SAMD8: variants seen among roughly 807,000 people sequenced by gnomAD.
SAMD8 encodes sphingomyelin synthase-related protein 1.
Under a neutral mutation model 42.0 loss-of-function variants are expected in SAMD8, and 20 were observed. That is an observed-to-expected ratio of 0.48 (90% confidence interval 0.34 to 0.69). The LOEUF is 0.69. SAMD8 is among the 30% of genes least tolerant of loss of function. The probability of loss-of-function intolerance (pLI) is 0.01; values close to 1 mark genes in which losing one functional copy is unlikely to be tolerated. For missense variants in SAMD8, 328 were observed against 511.6 expected (o/e 0.64, Z 3.46); for synonymous variants, 162 against 173.0 (o/e 0.94, Z 0.50).
At chr10:75,174,956 A>G (rs1255311464) in intron 4 of SAMD8, among the ~76,000 whole-genome samples, 1 of 152,110 alleles carries the variant, frequency 6.6e-6, no homozygotes, top group Non-Finnish European at 1.5e-5. Context: ...CTGGTATGAT[A>G]ATTTTACGAA....
Position 75,176,317 on chromosome 10 carries a change from AC to A in SAMD8, c.944-69del, listed in dbSNP as rs1840990301. ...CTGTGAAGAATGGCAAAACAGCCTG[AC>A]CTGAGAAACGTGACTGAGAAGCATT... On this transcript the variant is annotated intron_variant, in intron 5 of 5. Transcript: ENST00000542569. This position sits in a 1 kb window ranked among gnomAD's most constrained non-coding sequence, Gnocchi z 4.3. 6.3e-7 allele frequency: 1 copy of A among 1,599,886 alleles called. No individual in the cohort carries two copies. The highest frequency in any genetic ancestry group is 8.5e-7 in the Non-Finnish European group (1 of 1,172,542).
chr10:75,166,791 C>T (rs891788024), intron 3 of SAMD8, among the ~76,000 whole-genome samples: 3 of 152,202 alleles, frequency 2.0e-5, no homozygotes, highest in Non-Finnish European at 4.4e-5. Flanking sequence ...TGGAGTTTAC[C>T]TTACAGGAAA....
At chr10:75,120,335 G>C (rs779061936) in intron 1 of SAMD8, among the ~76,000 whole-genome samples, 1 of 151,648 alleles carries the variant, frequency 6.6e-6, no homozygotes, top group African/African-American at 2.4e-5. Context: ...GCAGTGGCAC[G>C]ATCTCGGCTC....
Position 75,180,119 on chromosome 10 carries a change from T to C in SAMD8, c.*3427T>C, listed in dbSNP as rs1369821855. 3 of 151,042 alleles carry C rather than the reference T, an allele frequency of 2.0e-5. No individual in the cohort carries two copies. The East Asian group carries it at 5.8e-4, about 29-fold the overall frequency. 9.4% of individuals were successfully genotyped at this position (151,042 alleles called of 1,614,324 possible). On this transcript the variant is annotated 3_prime_UTR_variant, in exon 6 of 6. Coordinates refer to ENST00000542569, the MANE Select transcript of SAMD8 (RefSeq NM_001174156.2). ...TTTGAAGGAGGCAGGTTTGCTGTTA[T>C]CACAAAATAATTTGGGGGAAACCTT...
At chr10:75,140,898 TGTTC>T (rs1440561640) in intron 1 of SAMD8, among the ~76,000 whole-genome samples, 57 of 152,298 alleles carry the variant, frequency 3.7e-4, no homozygotes, top group African/African-American at 1.3e-3. Flanking sequence ...CATTTTTAGG[TGTTC>T]GTCTTAGCAG....
At position 75,178,121 on chromosome 10, in the gene SAMD8, A is replaced by C. The variant is rs1222779993; in HGVS notation, c.*1429A>C. 6.6e-6 allele frequency: 1 copy of C among 152,218 alleles called. No individual in the cohort carries two copies. Among genetic ancestry groups the C allele is most frequent in the East Asian group, 1.9e-4 (1 of 5,200 alleles). The allele number at this position is 152,218 out of a possible 1,614,324, so 9.4% of individuals were successfully genotyped here. ...TCTGGGTGAAATATTTTATTTTTGCACTTTGAGTCATATTCCCACCCCTGT... is the reference window on the plus strand; with the variant it reads ...TCTGGGTGAAATATTTTATTTTTGCCCTTTGAGTCATATTCCCACCCCTGT... On this transcript the variant is annotated 3_prime_UTR_variant, in exon 6 of 6. Transcript: ENST00000542569.
At chr10:75,102,242 C>T (rs1367520486) in intron 1 of SAMD8, among the ~76,000 whole-genome samples, 3 of 152,030 alleles carry the variant, frequency 2.0e-5, no homozygotes, top group Non-Finnish European at 2.9e-5. Context: ...TTTGGGAAAC[C>T]GAGGAGGGTG....
chr10:75,117,039 C>T (rs1404219507), intron 1 of SAMD8, among the ~76,000 whole-genome samples: 13 of 150,590 alleles, frequency 8.6e-5, no homozygotes, highest in African/African-American at 2.9e-4. Context: ...TTGAACTCCT[C>T]GGCTCAAGGC....
chr10:75,158,950 C>T (rs969018632), intron 2 of SAMD8, among the ~76,000 whole-genome samples: 1 of 152,012 alleles, frequency 6.6e-6, no homozygotes, highest in Non-Finnish European at 1.5e-5. Context: ...TTTGTTTATC[C>T]ATTTATCAGT....
At chr10:75,099,984 C>T (rs556287924) in intron 1 of SAMD8, among the ~76,000 whole-genome samples, 1 of 152,106 alleles carries the variant, frequency 6.6e-6, no homozygotes, top group Non-Finnish European at 1.5e-5. Context: ...CCCCAGGACC[C>T]AGAGGAGTCC....
rs1226846579 is a variant in SAMD8, at chr10:75,176,505, A to G, written c.1061A>G (p.Tyr354Cys). 2.6e-6 allele frequency: 4 copies of G among 1,550,658 alleles called. No individual in the cohort carries two copies. Among genetic ancestry groups the G allele is most frequent in the South Asian group, 1.2e-5 (1 of 84,070 alleles). Residue 354 changes from tyrosine (Y) to cysteine (C), a missense_variant, in exon 6 of 6, where the codon TAT (tyrosine) becomes TGT (cysteine). This residue lies in a region of SAMD8 where 178 missense variants were observed against 325.6 expected (regional missense o/e 0.55). Coordinates refer to ENST00000542569, the MANE Select transcript of SAMD8 (RefSeq NM_001174156.2). This position sits in a 1 kb window ranked among gnomAD's most constrained non-coding sequence, Gnocchi z 4.3. Reference protein sequence around the residue: ...HYSIDVFIAFYITTRLFLYYH... With the variant: ...HYSIDVFIAFCITTRLFLYYH... ...TCTATTGATGTGTTTATTGCTTTTT[A>G]TATAACAACAAGACTCTTTTTGTAC...
intron 1 of SAMD8, among the ~76,000 whole-genome samples, chr10:75,117,158 C>T (rs1267227425): frequency 3.3e-5 from 5 of 151,896 alleles, no homozygotes; most frequent in African/African-American, 1.2e-4. Context: ...TGGGGTGACT[C>T]ATGCATGTAA....
intron 4 of SAMD8, among the ~76,000 whole-genome samples, chr10:75,169,398 C>T (rs1840788622): frequency 6.6e-6 from 1 of 151,052 alleles, no homozygotes; most frequent in Non-Finnish European, 1.5e-5. Context: ...GGTTCAATCG[C>T]TTGAACCTGG....
At chr10:75,173,976 A>T (rs1267686081) in intron 4 of SAMD8, among the ~76,000 whole-genome samples, 1 of 152,250 alleles carries the variant, frequency 6.6e-6, no homozygotes, top group South Asian at 2.1e-4. Flanking sequence ...ATGCAGTAAC[A>T]TATAAAGCAC....
intron 3 of SAMD8, among the ~76,000 whole-genome samples, chr10:75,167,618 A>G (rs1260591722): frequency 6.6e-6 from 1 of 152,140 alleles, no homozygotes; most frequent in Admixed American, 6.6e-5. Context: ...TTTTGAGACA[A>G]GTCTCATTCT....
At chr10:75,166,914 C>T (rs1421288618) in intron 3 of SAMD8, among the ~76,000 whole-genome samples, 3 of 152,176 alleles carry the variant, frequency 2.0e-5, no homozygotes, top group African/African-American at 7.2e-5. Context: ...TTAGAATCAC[C>T]TGGGTGCTTG....
At chr10:75,105,519 C>G (rs1848437375) in intron 1 of SAMD8, 2 of 853,996 alleles carry the variant, frequency 2.3e-6, no homozygotes, top group East Asian at 5.4e-5. Flanking sequence ...GAGAGAGGGC[C>G]AGGCCCCCTT....
intron 2 of SAMD8, among the ~76,000 whole-genome samples, chr10:75,162,690 G>C (rs936629461): frequency 2.7e-4 from 40 of 149,974 alleles, no homozygotes; most frequent in African/African-American, 8.6e-4. Flanking sequence ...CAAGATGAGA[G>C]TTAATTTTAT....
intron 2 of SAMD8, among the ~76,000 whole-genome samples, chr10:75,156,258 C>T (rs34126237): frequency 6.6e-6 from 1 of 151,894 alleles, no homozygotes; most frequent in Admixed American, 6.6e-5. Context: ...CCATTCCTCA[C>T]GAAAATGAAC....
Sources: allele counts gnomAD v4.1 joint callset (sites outside exome capture counted in the v4.1 genomes callset), GRCh38; gene constraint gnomAD v4.1.1; regional missense constraint gnomAD v4.1.1; non-coding constraint Gnocchi (gnomAD v3.1); transcripts MANE v1.5; gene names NCBI Gene and HGNC (gene_info 2026-07-23, HGNC 2026-07-21).